XPO5: variants seen among roughly 807,000 people sequenced by gnomAD.
XPO5 encodes exportin-5.
A neutral mutation model predicts 160.6 loss-of-function variants in XPO5; 46 were observed. The observed-to-expected ratio is 0.29, with a 90% CI of 0.23 to 0.37. The LOEUF is 0.37. Among genes scored for constraint, XPO5 ranks in the 10% least tolerant of loss-of-function variants. The pLI, the probability that XPO5 is intolerant of heterozygous loss-of-function variation, is 1.00. For synonymous variants in XPO5, 537 were observed against 519.3 expected (o/e 1.03, Z -0.46); for missense variants, 1,090 against 1,463.9 (o/e 0.74, Z 4.17).
chr6:43,568,570 C>T (rs991485707), intron 6 of XPO5, 141 bp downstream of exon 6: 1 of 641,466 alleles, frequency 1.6e-6, no homozygotes, highest in Non-Finnish European at 2.5e-6. Flanking sequence ...CACACAACTG[C>T]ACTCCAGCCT....
chr6:43,572,411 A>T, intron 3 of XPO5, 95 bp downstream of exon 3: 1 of 1,203,730 alleles, frequency 8.3e-7, no homozygotes, highest in Non-Finnish European at 1.2e-6. Context: ...TGACCTATTT[A>T]GAAGCAGTGA....
chr6:43,526,946 T>TC (rs1389725746), intron 26 of XPO5, 199 bp from the exon 27 acceptor site: 2 of 574,398 alleles, frequency 3.5e-6, no homozygotes, highest in Admixed American at 5.6e-5. Context: ...TCCTTCAAGT[T>TC]CAACTAGCTG....
chr6:43,537,683 A>C (rs533525046), intron 20 of XPO5, among the ~76,000 whole-genome samples: 1 of 152,216 alleles, frequency 6.6e-6, no homozygotes, highest in East Asian at 1.9e-4. Flanking sequence ...AGTAGACAAG[A>C]TCAAACAATA....
chr6:43,527,561 A>G (rs918481805), intron 26 of XPO5, 73 bp downstream of exon 26: 2 of 1,492,586 alleles, frequency 1.3e-6, no homozygotes, highest in Admixed American at 1.7e-5. Context: ...TCAGGCCTTC[A>G]TGGAGTTGGC....
rs1763064150 is a variant in XPO5 at position 43,572,529 on chromosome 6, T to G, written c.277A>C (p.Ser93Arg). Residue 93 changes from serine (S) to arginine (R), a missense_variant, in exon 3 of 32, where the codon AGT becomes CGT. Transcript: ENST00000265351. ...ACATTTGCAATCAGCTCCATGACAC[T>G]GTTCTTCAGATACACCTTCTCCAAT... is the stretch of plus-strand genomic sequence containing the variant. The part of the protein sequence containing the change: ...SRLEKVYLKN[S>R]VMELIANGTL... 6.2e-7 allele frequency: 1 copy of G among 1,613,982 alleles called. No individual in the cohort carries two copies. The highest frequency in any genetic ancestry group is 8.5e-7 in the Non-Finnish European group (1 of 1,179,888).
At chr6:43,550,404 C>T (rs1482604963) in intron 15 of XPO5, among the ~76,000 whole-genome samples, 3 of 152,172 alleles carry the variant, frequency 2.0e-5, no homozygotes, top group African/African-American at 7.2e-5. Context: ...AACAAATGAG[C>T]CCACTTTTCT....
intron 19 of XPO5, 76 bp downstream of exon 19, chr6:43,547,532 T>G (rs933040888): frequency 1.9e-5 from 26 of 1,386,700 alleles, no homozygotes; most frequent in Non-Finnish European, 2.7e-5. Flanking sequence ...AACAAATCTA[T>G]GAGAAACTTG....
intron 2 of XPO5, among the ~76,000 whole-genome samples, chr6:43,573,167 T>C (rs1183101203): frequency 6.6e-6 from 1 of 152,190 alleles, no homozygotes; most frequent in East Asian, 1.9e-4. Context: ...ACCTATACAT[T>C]GCATTACTCT....
At chr6:43,546,053 G>A (rs1254265085) in intron 20 of XPO5, among the ~76,000 whole-genome samples, 1 of 152,116 alleles carries the variant, frequency 6.6e-6, no homozygotes, top group African/African-American at 2.4e-5. Flanking sequence ...TTAGGACTCA[G>A]CTTTGAGAAC....
chr6:43,524,628 C>T lies in XPO5; in HGVS notation c.3320G>A (p.Arg1107Lys). 6.2e-7 allele frequency: 1 copy of T among 1,613,820 alleles called. No individual in the cohort carries two copies. The highest frequency in any genetic ancestry group is 8.5e-7 in the Non-Finnish European group (1 of 1,179,804). Residue 1107 changes from arginine to lysine, a missense_variant, in exon 31 of 32, where the codon AGG (arginine) becomes AAG (lysine). Arg to Lys is a conservative substitution (Grantham distance 26). Coordinates refer to ENST00000265351, the MANE Select transcript of XPO5 (RefSeq NM_020750.3). ...AFQIYEALRP[R>K]YLEIRAVMEQ... is the part of the protein sequence containing the mutation. ...CATTACAGCTCTTATCTCCAGGTAC[C>T]TGGGGCGCTGATATCAGCAGGGATA...
intron 26 of XPO5, chr6:43,527,009 T>A (rs374759589): frequency 4.3e-5 from 20 of 464,422 alleles, no homozygotes; most frequent in African/African-American, 3.7e-4. Flanking sequence ...GGATGCTTGA[T>A]ACATCCCTGG....
chr6:43,553,569 C>G (rs763215458), intron 13 of XPO5, 66 bp from the exon 14 acceptor site: 2 of 1,509,632 alleles, frequency 1.3e-6, no homozygotes, highest in East Asian at 5.0e-5. Flanking sequence ...ATTGAAAGAT[C>G]GCAGAAGACA....
chr6:43,530,527 C>T lies in XPO5; in HGVS notation c.2677+161G>A. 4 of 852,616 alleles carry T rather than the reference C, an allele frequency of 4.7e-6. No individual in the cohort carries two copies. The South Asian group carries it at 6.8e-5, about 15-fold the overall frequency. The allele number at this position is 852,616 out of a possible 1,614,324, so 52.8% of individuals were successfully genotyped here. On this transcript the variant is annotated intron_variant, in intron 23 of 31. Coordinates refer to ENST00000265351, the MANE Select transcript of XPO5 (RefSeq NM_020750.3). The stretch of plus-strand genomic sequence containing the variant: ...CCATCTGGACTGCCTTCATGTTTTC[C>T]CTGCAATCTGCCAGTGTTTTTAATG...
chr6:43,524,352 CAAAA>C (rs368583529), intron 31 of XPO5, 115 bp downstream of exon 31: 942 of 1,065,858 alleles, frequency 8.8e-4, no homozygotes, highest in Admixed American at 1.7e-3. Context: ...AACCCCATCT[CAAAA>C]AAAAAAAAAA....
rs1434630611 is a variant in XPO5 at position 43,546,815 on chromosome 6, G to C, written c.2161-63C>G. The C allele has an allele frequency of 2.8e-6, 4 of 1,421,834 alleles. No individual in the cohort carries two copies. The African/African-American group carries it at 4.4e-5, about 16-fold the overall frequency. The allele number at this position is 1,421,834 out of a possible 1,614,324, so 88.1% of individuals were successfully genotyped here. On this transcript the variant is annotated intron_variant, in intron 19 of 31. Coordinates refer to ENST00000265351, the MANE Select transcript of XPO5 (RefSeq NM_020750.3). ...GAAAAAAAAAAAAAGACCAAATACT[G>C]TTAGATATATTCAAGGTTCTGGCAA...
At chr6:43,530,970 C>A (rs1283431741) in intron 22 of XPO5, 146 bp from the exon 23 acceptor site, 1 of 1,070,648 alleles carries the variant, frequency 9.3e-7, no homozygotes. Flanking sequence ...CTTATAGATA[C>A]AGCATCTTTT....
Position 43,546,713 on chromosome 6 carries a change from G to A in XPO5, c.2200C>T (p.Arg734Ter), listed in dbSNP as rs1216168897. 2 of 1,611,008 alleles carry A rather than the reference G, an allele frequency of 1.2e-6. No individual in the cohort carries two copies. Among genetic ancestry groups the A allele is most frequent in the Non-Finnish European group, 1.7e-6 (2 of 1,178,978 alleles). ...TCTAGGTCAGTGGGCCAGCAAGTTC[G>A]TTTCACCACACCCAGAATGCTGTAT... ...CVYSILGVVKRTCWPTDLEEA... is the reference protein window; with the variant it reads ...CVYSILGVVK The change falls in exon 20 of 32, where the codon CGA becomes TGA. Residue 734 changes from arginine (R) to a stop codon, truncating the protein, a stop_gained. Coordinates refer to ENST00000265351, the MANE Select transcript of XPO5 (RefSeq NM_020750.3). LOFTEE classifies it high-confidence loss of function.
chr6:43,570,003 C>CTTTTT (rs35322286), intron 5 of XPO5, among the ~76,000 whole-genome samples: 65 of 85,382 alleles, frequency 7.6e-4, no homozygotes, highest in African/African-American at 3.0e-3. Context: ...AGATCCCTAT[C>CTTTTT]TTTTTTTTTT....
chr6:43,527,768 C>T, intron 25 of XPO5, 37 bp from the exon 26 acceptor site: 1 of 1,606,030 alleles, frequency 6.2e-7, no homozygotes, highest in Non-Finnish European at 8.5e-7. Context: ...CACAGGAGTG[C>T]AGAAAAGGAA....
Sources: allele counts gnomAD v4.1 joint callset (sites outside exome capture counted in the v4.1 genomes callset), GRCh38; gene constraint gnomAD v4.1.1; transcripts MANE v1.5; gene names NCBI Gene and HGNC (gene_info 2026-07-23, HGNC 2026-07-21).